Variants in TTLL6 observed in about 807,000 individuals in gnomAD.
TTLL6 encodes tubulin polyglutamylase TTLL6.
A neutral mutation model predicts 96.4 loss-of-function variants in TTLL6; 75 were observed. The observed-to-expected ratio is 0.78, with a 90% CI of 0.65 to 0.94. TTLL6 has a LOEUF of 0.94. Among genes scored for constraint, TTLL6 ranks in the 40% least tolerant of loss-of-function variants. The pLI is 0.00. For missense variants in TTLL6, 1,030 were observed against 1,093.0 expected, an observed-to-expected ratio of 0.94 and a Z score of 0.81; for synonymous variants, 411 against 419.4, an observed-to-expected ratio of 0.98 and a Z score of 0.24.
At chr17:48,813,606 C>T (rs1266549278) in intron 1 of TTLL6, among the ~76,000 whole-genome samples, 1 of 152,120 alleles carries the variant, frequency 6.6e-6, no homozygotes, top group Non-Finnish European at 1.5e-5. Context: ...GTTGGTCCCA[C>T]ATCATTTTCC....
intron 13 of TTLL6, among the ~76,000 whole-genome samples, chr17:48,779,353 C>CAAAA (rs35763170): frequency 0.043 from 1,977 of 45,872 alleles, 177 homozygotes; most frequent in Non-Finnish European, 0.062. Context: ...GACTCTGTCT[C>CAAAA]AAAAAAAAAA....
Position 48,769,241 on chromosome 17 carries a change from C to T in TTLL6, c.2424G>A (p.Leu808=). The T allele has an allele frequency of 6.2e-7, 1 of 1,600,944 alleles. No individual in the cohort carries two copies. Among genetic ancestry groups the T allele is most frequent in the Non-Finnish European group, 8.5e-7 (1 of 1,171,246 alleles). ...CACTGCGGGAGTGGCACTCCCCAGG[C>T]AGGGAGGGGTTTTCTGGAAAGGCAA... ...GMNNLSQNPS[L]PGECHSRSDS... Residue 808 remains leucine, a synonymous_variant, in exon 15 of 16, where the codon CTG becomes CTA. Coordinates refer to ENST00000393382, the MANE Select transcript of TTLL6 (RefSeq NM_001130918.3).
intron 9 of TTLL6, among the ~76,000 whole-genome samples, chr17:48,790,566 T>C (rs1396927977): frequency 6.6e-6 from 1 of 152,108 alleles, no homozygotes; most frequent in Non-Finnish European, 1.5e-5. Context: ...GTCTGTATTG[T>C]TTGGAGGCAC....
chr17:48,804,798 TTGC>T lies in TTLL6; in HGVS notation c.294_296del (p.Gln99del). The T allele has an allele frequency of 6.4e-7, 1 of 1,552,374 alleles. No homozygotes were observed. The highest frequency in any genetic ancestry group is 8.7e-7 in the Non-Finnish European group (1 of 1,147,124). ...TCTTTTTCTTCCTCTTCTTCTTGCC[TTGC>T]TGCTGGGCATTCTGAAGTCCGTTTT... is the stretch of plus-strand genomic sequence containing the variant. On this transcript the variant is annotated inframe_deletion, in exon 2 of 16. Transcript: ENST00000393382.
chr17:48,811,513 G>A (rs989472525), intron 1 of TTLL6, among the ~76,000 whole-genome samples: 1 of 152,008 alleles, frequency 6.6e-6, no homozygotes, highest in African/African-American at 2.4e-5. Context: ...TTACAACCAT[G>A]AGCCGCTGTG....
intron 13 of TTLL6, among the ~76,000 whole-genome samples, chr17:48,783,002 T>C (rs558855810): frequency 6.6e-6 from 1 of 152,280 alleles, no homozygotes; most frequent in South Asian, 2.1e-4. Flanking sequence ...TGTGAGCCAC[T>C]GCACCTAGCC....
intron 1 of TTLL6, among the ~76,000 whole-genome samples, chr17:48,815,625 T>G (rs1000189805): frequency 2.6e-5 from 4 of 152,200 alleles, no homozygotes; most frequent in Admixed American, 2.6e-4. Context: ...AATAAGATGT[T>G]TTTTGTGGTC....
chr17:48,785,294 A>C, intron 12 of TTLL6, 93 bp from the exon 13 acceptor site: 1 of 1,562,114 alleles, frequency 6.4e-7, no homozygotes, highest in Admixed American at 1.9e-5. Context: ...TGAAAAAGAG[A>C]TGAGGAGAAG....
intron 13 of TTLL6, among the ~76,000 whole-genome samples, chr17:48,776,898 A>G (rs2038882907): frequency 6.6e-6 from 1 of 152,096 alleles, no homozygotes; most frequent in South Asian, 2.1e-4. Flanking sequence ...GACCTAGAAG[A>G]CCCAAAACAG....
chr17:48,786,043 C>T, intron 12 of TTLL6, 121 bp downstream of exon 12: 1 of 1,467,576 alleles, frequency 6.8e-7, no homozygotes, highest in Non-Finnish European at 9.2e-7. Context: ...GTTGCCCAGC[C>T]CTCTGCACAG....
intron 8 of TTLL6, among the ~76,000 whole-genome samples, chr17:48,792,890 T>C (rs1325944983): frequency 6.6e-6 from 1 of 152,198 alleles, no homozygotes; most frequent in Non-Finnish European, 1.5e-5. Flanking sequence ...AAATAGATTA[T>C]ACACCTCCCT....
chr17:48,804,677 CT>C, intron 2 of TTLL6, 94 bp downstream of exon 2: 1 of 1,083,688 alleles, frequency 9.2e-7, no homozygotes. Flanking sequence ...ACAGTTTCTC[CT>C]TTACTCTCTC....
intron 9 of TTLL6, 133 bp downstream of exon 9, chr17:48,791,245 G>A (rs561608994): frequency 4.3e-5 from 32 of 740,276 alleles, no homozygotes; most frequent in Non-Finnish European, 7.2e-5. Flanking sequence ...AGAAGCCCCA[G>A]GCAGCAGGCA....
intron 1 of TTLL6, among the ~76,000 whole-genome samples, chr17:48,813,564 CAAAAAG>C (rs1349259544): frequency 2.0e-5 from 3 of 151,966 alleles, no homozygotes; most frequent in Non-Finnish European, 4.4e-5. Context: ...GCCTCAAAAA[CAAAAAG>C]AAAAAGAAAA....
intron 10 of TTLL6, among the ~76,000 whole-genome samples, chr17:48,789,108 CT>C (rs1427274598): frequency 9.3e-6 from 1 of 107,990 alleles, no homozygotes; most frequent in East Asian, 3.2e-4. Flanking sequence ...ACACATCTTT[CT>C]TTATAGTAAA....
chr17:48,784,890 C>T, intron 13 of TTLL6, 33 bp downstream of exon 13: 1 of 1,585,584 alleles, frequency 6.3e-7, no homozygotes, highest in Non-Finnish European at 8.6e-7. Flanking sequence ...AAGACTCCCA[C>T]CACTCCCTCC....
chr17:48,794,957 G>A (rs1017205147), intron 8 of TTLL6, among the ~76,000 whole-genome samples: 5 of 152,332 alleles, frequency 3.3e-5, no homozygotes, highest in African/African-American at 1.2e-4. Flanking sequence ...TCTGTAAGAT[G>A]GAGATGGCAC....
chr17:48,773,459 T>C (rs772333914), intron 13 of TTLL6, among the ~76,000 whole-genome samples: 4 of 152,206 alleles, frequency 2.6e-5, no homozygotes, highest in Non-Finnish European at 5.9e-5. Context: ...TACAGGCTCA[T>C]GCCTATAATC....
At chr17:48,782,187 C>T (rs894611832) in intron 13 of TTLL6, among the ~76,000 whole-genome samples, 1 of 150,692 alleles carries the variant, frequency 6.6e-6, no homozygotes, top group African/African-American at 2.5e-5. Flanking sequence ...CTCACTGCAA[C>T]CTCTGCCTCC....
Sources: gnomAD v4.1 joint callset for allele counts (sites outside exome capture counted in the v4.1 genomes callset) on GRCh38, gnomAD v4.1.1 for gene constraint, MANE v1.5 for transcripts, NCBI Gene and HGNC (gene_info 2026-07-23, HGNC 2026-07-21) for gene names.